The following KIF14 variants were observed in gnomAD, a reference collection of about 807,000 sequenced individuals.
The protein encoded by KIF14 is kinesin-like protein KIF14.
KIF14 carries 98 observed loss-of-function variants against 176.2 expected under a neutral mutation model. That is an observed-to-expected ratio of 0.56 (90% CI 0.47 to 0.66). The LOEUF is 0.66. Among genes scored for constraint, KIF14 ranks in the 30% least tolerant of loss-of-function variants. The pLI is 0.00. For synonymous variants in KIF14, 566 were observed against 632.2 expected (o/e 0.90, Z 1.57); for missense variants, 1,751 against 1,920.4 (o/e 0.91, Z 1.65).
chr1:200,614,377 T>C lies in KIF14; in HGVS notation c.1396A>G (p.Ile466Val). 6.2e-7 allele frequency: 1 copy of C among 1,606,092 alleles called. No homozygotes were observed. Among genetic ancestry groups the C allele is most frequent in the South Asian group, 1.1e-5 (1 of 90,700 alleles). ...AGATCTTCACAAAATCTTGGAATTA[T>C]TCCTGGTTCTTCACTAAATCCCATC... is the stretch of plus-strand genomic sequence containing the variant. ...TMMGFSEEPG[I>V]IPRFCEDLFS... Residue 466 changes from isoleucine (I) to valine (V), a missense_variant, in exon 4 of 30, where the codon ATA (isoleucine) becomes GTA (valine). Coordinates refer to ENST00000367350, the MANE Select transcript of KIF14 (RefSeq NM_014875.3).
At chr1:200,595,980 C>A (rs1427482855) in intron 14 of KIF14, among the ~76,000 whole-genome samples, 1 of 145,540 alleles carries the variant, frequency 6.9e-6, no homozygotes, top group Non-Finnish European at 1.5e-5. Flanking sequence ...ACAGGCCGGT[C>A]GTGGTAGCTC....
At position 200,599,985 on chromosome 1, in the gene KIF14, G is replaced by A. The variant is rs1459389827; in HGVS notation, c.2364+65C>T. 5 of 943,746 alleles carry A rather than the reference G, an allele frequency of 5.3e-6. No individual in the cohort carries two copies. The African/African-American group carries it at 6.6e-5, about 12-fold the overall frequency. 58.5% of individuals were successfully genotyped at this position (943,746 alleles called of 1,614,324 possible). A position where few individuals can be genotyped will look rare whatever the true frequency, so the allele number is the denominator to read the frequency against. On this transcript the variant is annotated intron_variant, in intron 13 of 29. Coordinates refer to ENST00000367350, the MANE Select transcript of KIF14 (RefSeq NM_014875.3). Reference sequence around the variant, plus strand: ...TTAAATTTACATGCATTGGCATATTGGCAATATTTATTTCTTGGCATATTT... The same window carrying A: ...TTAAATTTACATGCATTGGCATATTAGCAATATTTATTTCTTGGCATATTT...
intron 21 of KIF14, among the ~76,000 whole-genome samples, chr1:200,579,452 T>C (rs1658323947): frequency 6.6e-6 from 1 of 151,934 alleles, no homozygotes; most frequent in South Asian, 2.1e-4. Flanking sequence ...TTTAAAAAAA[T>C]ACAAAAATTA....
At position 200,565,225 on chromosome 1, in the gene KIF14, T is replaced by C. The variant is rs372712903; in HGVS notation, c.3915A>G (p.Ser1305=). ...AAGCACATGCAGTCTGAATAGTAAG[T>C]GACTGGATTGCTCGATCAGAAGAAA... ...NLFSSDRAIQ[S]LTIQTACAFE... Residue 1305 remains serine (S), a synonymous_variant, in exon 25 of 30, where the codon TCA becomes TCG. Coordinates refer to ENST00000367350, the MANE Select transcript of KIF14 (RefSeq NM_014875.3). 2.5e-6 allele frequency: 4 copies of C among 1,605,574 alleles called. No homozygotes were observed. Among genetic ancestry groups the C allele is most frequent in the Admixed American group, 1.8e-5 (1 of 56,916 alleles).
intron 21 of KIF14, among the ~76,000 whole-genome samples, chr1:200,578,669 T>C (rs1197816179): frequency 6.6e-6 from 1 of 151,916 alleles, no homozygotes; most frequent in Non-Finnish European, 1.5e-5. Context: ...AAATTAAAAA[T>C]GCCTGTATAA....
At chr1:200,596,115 G>A (rs773661328) in intron 14 of KIF14, among the ~76,000 whole-genome samples, 7 of 151,774 alleles carry the variant, frequency 4.6e-5, no homozygotes, top group Admixed American at 1.3e-4. Context: ...TTAGCCAGGC[G>A]TGGTAACAGA....
chr1:200,572,115 T>A (rs116810593), intron 22 of KIF14, among the ~76,000 whole-genome samples: 3,583 of 152,296 alleles, frequency 0.024, 49 homozygotes, highest in Non-Finnish European at 0.035. Flanking sequence ...GGCTGAAACT[T>A]CGTATACAAG....
intron 22 of KIF14, among the ~76,000 whole-genome samples, chr1:200,575,103 C>T (rs1452775526): frequency 6.6e-6 from 1 of 151,672 alleles, no homozygotes; most frequent in Admixed American, 6.6e-5. Flanking sequence ...AGTACAAGTG[C>T]CTGCTCCCAC....
At position 200,603,352 on chromosome 1, in the gene KIF14, GAA is replaced by G; in HGVS notation, c.1864-13_1864-12del. 1 of 1,362,720 alleles carries G rather than the reference GAA, an allele frequency of 7.3e-7. No homozygotes were observed. Among genetic ancestry groups the G allele is most frequent in the Non-Finnish European group, 1.0e-6 (1 of 986,666 alleles). The allele number at this position is 1,362,720 out of a possible 1,614,324, so 84.4% of individuals were successfully genotyped here. Reference sequence around the variant, plus strand: ...AATACTCACACCTTCCTGCATGCAAGAAAAAAAAAATTTTTAACTTAAAATAC... The same window carrying G: ...AATACTCACACCTTCCTGCATGCAAGAAAAAAAATTTTTAACTTAAAATAC... On this transcript the variant is annotated splice_polypyrimidine_tract_variant and intron_variant, in intron 9 of 29. Coordinates refer to ENST00000367350, the MANE Select transcript of KIF14 (RefSeq NM_014875.3).
At chr1:200,580,454 G>A (rs1658383241) in intron 20 of KIF14, 71 bp from the exon 21 acceptor site, 3 of 1,035,764 alleles carry the variant, frequency 2.9e-6, no homozygotes, top group East Asian at 3.0e-5. Context: ...GAGTTTTCTG[G>A]GGTAGAATAA....
chr1:200,614,248 T>A, intron 4 of KIF14, 70 bp downstream of exon 4: 2 of 801,054 alleles, frequency 2.5e-6, no homozygotes, highest in Non-Finnish European at 4.2e-6. Flanking sequence ...TTAGTGGCCA[T>A]GACTGATTTG....
intron 15 of KIF14, among the ~76,000 whole-genome samples, chr1:200,593,084 A>G (rs1350846150): frequency 2.0e-5 from 3 of 152,222 alleles, no homozygotes; most frequent in Non-Finnish European, 4.4e-5. Flanking sequence ...TCCCAATTTT[A>G]GGAATGAGGA....
At chr1:200,586,790 C>CATATATATATAT (rs10610890) in intron 18 of KIF14, among the ~76,000 whole-genome samples, 5 of 128,322 alleles carry the variant, frequency 3.9e-5, no homozygotes, top group Admixed American at 7.7e-5. Context: ...TATATACATA[C>CATATATATATAT]ATATATATAT....
At position 200,618,326 on chromosome 1, in the gene KIF14, C is replaced by A; in HGVS notation, c.398G>T (p.Trp133Leu). 1 of 1,613,982 alleles carries A rather than the reference C, an allele frequency of 6.2e-7. No homozygotes were observed. The highest frequency in any genetic ancestry group is 8.5e-7 in the Non-Finnish European group (1 of 1,180,014). Residue 133 changes from tryptophan to leucine, a missense_variant, in exon 2 of 30, where the codon TGG becomes TTG. Coordinates refer to ENST00000367350, the MANE Select transcript of KIF14 (RefSeq NM_014875.3). ...RRAKTDSAEKWKTAEIDSVKM... is the reference protein window; with the variant it reads ...RRAKTDSAEKLKTAEIDSVKM... ...GACAGAATCTATTTCAGCTGTTTTC[C>A]ACTTTTCTGCAGAATCTGTTTTAGC...
chr1:200,558,143 A>C (rs1656938708), intron 27 of KIF14, among the ~76,000 whole-genome samples: 2 of 152,134 alleles, frequency 1.3e-5, no homozygotes, highest in South Asian at 4.1e-4. Flanking sequence ...TTTTGTAGAG[A>C]CAAGGTCTCA....
chr1:200,592,618 C>G (rs1659112640), intron 15 of KIF14, among the ~76,000 whole-genome samples: 3 of 152,206 alleles, frequency 2.0e-5, no homozygotes, highest in Admixed American at 2.0e-4. Context: ...TCATGATCCA[C>G]CCACCTTGGC....
At chr1:200,611,532 T>G (rs74893310) in intron 4 of KIF14, among the ~76,000 whole-genome samples, 3,567 of 152,316 alleles carry the variant, frequency 0.023, 50 homozygotes, top group Non-Finnish European at 0.035. Context: ...AATAAACACG[T>G]AATAATGCTT....
In KIF14 at chr1:200,580,401, A is replaced by G; in HGVS notation, c.3336-18T>C. 1.4e-6 allele frequency: 2 copies of G among 1,411,106 alleles called. No individual in the cohort carries two copies. The highest frequency in any genetic ancestry group is 1.7e-5 in the South Asian group (1 of 58,832). 87.4% of individuals were successfully genotyped at this position (1,411,106 alleles called of 1,614,324 possible). A position where few individuals can be genotyped will look rare whatever the true frequency, so the allele number is the denominator to read the frequency against. ...TATCATGTCTGAAAGAAAAATAAAC[A>G]AAAAAAAGCTTATCCTGAAACATAC... On this transcript the variant is annotated intron_variant, in intron 20 of 29. Transcript: ENST00000367350.
chr1:200,580,446 G>A (rs895147510), intron 20 of KIF14, 63 bp from the exon 21 acceptor site: 92 of 1,076,990 alleles, frequency 8.5e-5, no homozygotes, highest in Non-Finnish European at 1.1e-4. Context: ...TATACTAAGA[G>A]TTTTCTGGGG....
Sources: gnomAD v4.1 joint callset for allele counts (sites outside exome capture counted in the v4.1 genomes callset) on GRCh38, gnomAD v4.1.1 for gene constraint, MANE v1.5 for transcripts, NCBI Gene and HGNC (gene_info 2026-07-23, HGNC 2026-07-21) for gene names.